Variants in DLGAP2 observed in about 807,000 individuals in gnomAD.
DLGAP2 encodes DLG associated protein 2, also known as disks large-associated protein 2.
In DLGAP2, 26 loss-of-function variants were observed where a neutral mutation model predicts 100.3. The observed-to-expected ratio is 0.26, with a 90% CI of 0.19 to 0.36. The LOEUF is 0.36. Ranked by LOEUF, DLGAP2 falls within the 10% of genes least tolerant of loss-of-function variation. The pLI, the probability that DLGAP2 is intolerant of heterozygous loss-of-function variation, is 1.00. For missense variants in DLGAP2, 1,858 were observed against 1,453.2 expected (o/e 1.28, Z -4.53); for synonymous variants, 886 against 630.1 (o/e 1.41, Z -6.08).
intron 2 of DLGAP2, among the ~76,000 whole-genome samples, chr8:950,121 G>A (rs763515548): frequency 4.6e-5 from 7 of 152,146 alleles, no homozygotes; most frequent in Non-Finnish European, 1.0e-4. Flanking sequence ...CTCAGGGACT[G>A]CAAGTGAAGT....
chr8:1,245,474 G>A (rs930416231), intron 2 of DLGAP2, among the ~76,000 whole-genome samples: 6 of 152,194 alleles, frequency 3.9e-5, no homozygotes, highest in Admixed American at 2.6e-4. Flanking sequence ...CATTTTCTAC[G>A]TGAAAGAAGC....
chr8:1,605,678 G>A (rs1436573722), intron 6 of DLGAP2, among the ~76,000 whole-genome samples: 1 of 152,140 alleles, frequency 6.6e-6, no homozygotes, highest in Non-Finnish European at 1.5e-5. Context: ...CTGTTATAAG[G>A]AAGAAAACAG....
intron 2 of DLGAP2, among the ~76,000 whole-genome samples, chr8:944,296 G>A (rs1188119679): frequency 1.3e-5 from 2 of 151,830 alleles, no homozygotes; most frequent in Non-Finnish European, 2.9e-5. Context: ...AGCCCATGTG[G>A]GTGATCCAGT....
intron 2 of DLGAP2, among the ~76,000 whole-genome samples, chr8:1,145,238 C>T (rs1282161743): frequency 1.3e-5 from 2 of 152,012 alleles, no homozygotes. Context: ...CACAGCTTGC[C>T]CCACCCAGCC....
chr8:1,512,222 A>G lies in DLGAP2; in HGVS notation c.172+10791A>G, dbSNP rs1178505891. Reference sequence around the variant, plus strand: ...TTGCTAGCAAACAGATGTCCATTGTAGAAGAATGTGTGCTCCTCCCCATAA... The same window carrying G: ...TTGCTAGCAAACAGATGTCCATTGTGGAAGAATGTGTGCTCCTCCCCATAA... On this transcript the variant is annotated intron_variant, in intron 4 of 14. Transcript: ENST00000637795. 3.3e-5 allele frequency among the ~76,000 whole-genome samples: 5 copies of G among 152,366 alleles called. No individual in the cohort carries two copies. The South Asian group carries it at 1.0e-3, about 32-fold the overall frequency.
intron 2 of DLGAP2, among the ~76,000 whole-genome samples, chr8:1,194,239 G>C (rs774937084): frequency 6.6e-6 from 1 of 152,134 alleles, no homozygotes; most frequent in Non-Finnish European, 1.5e-5. Flanking sequence ...GAGCTCAGCT[G>C]CTGGCAAGTT....
intron 3 of DLGAP2, among the ~76,000 whole-genome samples, chr8:1,423,789 C>T (rs775151968): frequency 9.9e-5 from 15 of 152,176 alleles, no homozygotes; most frequent in Non-Finnish European, 1.5e-4. Flanking sequence ...GGCCCATGCA[C>T]TTGCAAGCTT....
intron 2 of DLGAP2, among the ~76,000 whole-genome samples, chr8:1,236,210 ATG>A (rs1798649488): frequency 9.5e-6 from 1 of 105,640 alleles, no homozygotes; most frequent in East Asian, 2.9e-4. Context: ...GTTCTCTCAC[ATG>A]GCGCCGTGTC....
intron 3 of DLGAP2, among the ~76,000 whole-genome samples, chr8:1,425,446 G>A (rs1048567851): frequency 6.6e-6 from 1 of 152,160 alleles, no homozygotes; most frequent in Non-Finnish European, 1.5e-5. Context: ...CAGGAACCTG[G>A]TACCTGTTTA....
chr8:1,066,967 C>T (rs931095332), intron 2 of DLGAP2, among the ~76,000 whole-genome samples: 4 of 152,186 alleles, frequency 2.6e-5, no homozygotes, highest in African/African-American at 9.7e-5. Flanking sequence ...TGGCTTCTGC[C>T]GCATCCCCAG....
intron 2 of DLGAP2, among the ~76,000 whole-genome samples, chr8:1,068,332 T>C (rs4735980): frequency 0.48 from 72,541 of 152,096 alleles, 17,770 homozygotes; most frequent in African/African-American, 0.59. Context: ...CATGCAATTG[T>C]TGGATTGTAT....
At chr8:1,351,637 G>A in intron 3 of DLGAP2, among the ~76,000 whole-genome samples, 1 of 69,082 alleles carries the variant, frequency 1.4e-5, no homozygotes, top group Non-Finnish European at 3.0e-5. Context: ...GGTCCTGAGT[G>A]TGCGTGGAAA....
At chr8:1,192,205 C>G (rs1163460809) in intron 2 of DLGAP2, among the ~76,000 whole-genome samples, 1 of 152,154 alleles carries the variant, frequency 6.6e-6, no homozygotes, top group Non-Finnish European at 1.5e-5. Context: ...TTGCTATGAT[C>G]AACCACAGCC....
intron 2 of DLGAP2, among the ~76,000 whole-genome samples, chr8:1,233,937 T>C (rs569986601): frequency 2.6e-4 from 39 of 152,236 alleles, no homozygotes; most frequent in African/African-American, 8.7e-4. Flanking sequence ...CAAAAGGACT[T>C]AAGGTGTCCT....
intron 1 of DLGAP2, among the ~76,000 whole-genome samples, chr8:845,786 C>T (rs559154825): frequency 6.6e-6 from 1 of 152,166 alleles, no homozygotes; most frequent in East Asian, 1.9e-4. Context: ...TTTTATATAC[C>T]TTTTGCTGTT....
At chr8:1,550,334 C>G (rs1019823185) in intron 5 of DLGAP2, among the ~76,000 whole-genome samples, 1 of 152,192 alleles carries the variant, frequency 6.6e-6, no homozygotes, top group African/African-American at 2.4e-5. Context: ...ACGTTATCTA[C>G]GGGCAGCTCT....
At chr8:1,472,025 A>C (rs934067250) in intron 3 of DLGAP2, among the ~76,000 whole-genome samples, 1 of 152,246 alleles carries the variant, frequency 6.6e-6, no homozygotes. Flanking sequence ...TACGTTAAGG[A>C]TAAAGCAGTG....
intron 2 of DLGAP2, among the ~76,000 whole-genome samples, chr8:1,077,437 T>G (rs986866120): frequency 2.0e-5 from 3 of 152,180 alleles, no homozygotes; most frequent in Non-Finnish European, 4.4e-5. Flanking sequence ...TGTCAGGGCC[T>G]CAGCTTCTAA....
chr8:880,708 C>T (rs1025349647), intron 1 of DLGAP2, among the ~76,000 whole-genome samples: 1 of 152,196 alleles, frequency 6.6e-6, no homozygotes, highest in African/African-American at 2.4e-5. Context: ...CTCTCCAGCC[C>T]TTGACTGCGA....
Sources: allele counts gnomAD v4.1 joint callset (sites outside exome capture counted in the v4.1 genomes callset), GRCh38; gene constraint gnomAD v4.1.1; transcripts MANE v1.5; gene names NCBI Gene and HGNC (gene_info 2026-07-23, HGNC 2026-07-21).